FHAD1: variants seen among roughly 807,000 people sequenced by gnomAD.
FHAD1 encodes the protein forkhead-associated domain-containing protein 1.
In FHAD1, 146 loss-of-function variants were observed where a neutral mutation model predicts 191.3. The observed-to-expected ratio is 0.76, with a 90% CI of 0.67 to 0.88. FHAD1 has a LOEUF of 0.88. FHAD1 is among the 40% of genes least tolerant of loss of function. The pLI is 0.00. For missense variants in FHAD1, 1,635 were observed against 1,785.8 expected (o/e 0.92, Z 1.52); for synonymous variants, 616 against 672.3 (o/e 0.92, Z 1.29).
At position 15,341,864 on chromosome 1, in the gene FHAD1, C is replaced by A; in HGVS notation, c.2106C>A (p.Ile702=). The A allele has an allele frequency of 6.4e-7, 1 of 1,551,594 alleles. No individual in the cohort carries two copies. The highest frequency in any genetic ancestry group is 1.4e-5 in the African/African-American group (1 of 73,166). Residue 702 remains isoleucine, a synonymous_variant, in exon 16 of 34, where the codon ATC becomes ATA. Coordinates refer to ENST00000688493, the MANE Select transcript of FHAD1 (RefSeq NM_001391957.1). ...LEQEEKLKAK[I]RQLTEEKAAL... ...AAGAGGAGAAGCTCAAAGCCAAAAT[C>A]AGGCAACTGACGGAAGAGAAGGCGG...
chr1:15,328,147 C>G (rs1190558255), intron 12 of FHAD1, 130 bp from the exon 13 acceptor site: 7 of 644,978 alleles, frequency 1.1e-5, no homozygotes, highest in Non-Finnish European at 1.7e-5. Flanking sequence ...ATATCAGGAC[C>G]TCTGTCCTCC....
chr1:15,288,460 A>C (rs1663293139), intron 3 of FHAD1, among the ~76,000 whole-genome samples: 1 of 152,246 alleles, frequency 6.6e-6, no homozygotes, highest in Admixed American at 6.5e-5. Flanking sequence ...GTGGAAAAGC[A>C]AAGGCTAATC....
At chr1:15,260,149 G>A (rs1032040578) in intron 2 of FHAD1, among the ~76,000 whole-genome samples, 3 of 152,134 alleles carry the variant, frequency 2.0e-5, no homozygotes, top group African/African-American at 7.2e-5. Context: ...GAACAGAAGG[G>A]CGGCTCTAGA....
Position 15,324,644 on chromosome 1 carries a change from C to T in FHAD1, c.1473+85C>T, listed in dbSNP as rs1019852136. 9 of 953,066 alleles carry T rather than the reference C, an allele frequency of 9.4e-6. No individual in the cohort carries two copies. The African/African-American group carries it at 9.8e-5, about 10-fold the overall frequency. The allele number at this position is 953,066 out of a possible 1,614,324, so 59.0% of individuals were successfully genotyped here. A position where few individuals can be genotyped will look rare whatever the true frequency, so the allele number is the denominator to read the frequency against. ...AGCCAGTGGGGGTGAGAGAGGAGGACGCCCAAGGTAGAAAGACAGACGTGC... is the reference window on the plus strand; with the variant it reads ...AGCCAGTGGGGGTGAGAGAGGAGGATGCCCAAGGTAGAAAGACAGACGTGC... On this transcript the variant is annotated intron_variant, in intron 11 of 33. Transcript: ENST00000688493.
chr1:15,309,207 C>T (rs373423092), intron 7 of FHAD1, among the ~76,000 whole-genome samples: 19 of 152,226 alleles, frequency 1.2e-4, no homozygotes, highest in Non-Finnish European at 1.2e-4. Context: ...TAGCTGGATA[C>T]TCAAGAACTT....
intron 28 of FHAD1, among the ~76,000 whole-genome samples, chr1:15,378,702 T>TA (rs552884517): frequency 3.6e-4 from 55 of 152,366 alleles, no homozygotes; most frequent in African/African-American, 1.2e-3. Flanking sequence ...ATGTCACACT[T>TA]ACCTATCACA....
intron 6 of FHAD1, among the ~76,000 whole-genome samples, chr1:15,302,293 C>A (rs191026285): frequency 6.6e-6 from 1 of 152,330 alleles, no homozygotes; most frequent in East Asian, 1.9e-4. Context: ...CTTTACCAAA[C>A]CCTGAAGGCA....
rs1422903730 is a variant in FHAD1, at chr1:15,381,676, T to TG, written c.4022+226dup. ...AGAAGTGCACGGTTTCCCCATTCTG[T>TG]GAACTATTTTCTGTGCAAGCTGCAC... On this transcript the variant is annotated intron_variant, in intron 30 of 33. Coordinates refer to ENST00000688493, the MANE Select transcript of FHAD1 (RefSeq NM_001391957.1). This position sits in a 1 kb window ranked among gnomAD's most constrained non-coding sequence, Gnocchi z 4.6. Among the ~76,000 whole-genome samples the TG allele has an allele frequency of 2.0e-5, 3 of 152,034 alleles. No homozygotes were observed. The highest frequency in any genetic ancestry group is 7.2e-5 in the African/African-American group (3 of 41,400).
chr1:15,342,279 G>C lies in FHAD1; in HGVS notation c.2130+391G>C, dbSNP rs557336189. On this transcript the variant is annotated intron_variant, in intron 16 of 33. Coordinates refer to ENST00000688493, the MANE Select transcript of FHAD1 (RefSeq NM_001391957.1). ...TTGCTTTCTCTTTATACATATCGGG[G>C]GAAACAAATGGTCAAAATTGCTACT... 3.3e-5 allele frequency among the ~76,000 whole-genome samples: 5 copies of C among 152,178 alleles called. No individual in the cohort carries two copies. The South Asian group carries it at 1.0e-3, about 32-fold the overall frequency.
chr1:15,299,956 C>T (rs978317113), intron 5 of FHAD1, among the ~76,000 whole-genome samples: 2 of 152,160 alleles, frequency 1.3e-5, no homozygotes, highest in Non-Finnish European at 2.9e-5. Context: ...CCCTGTGGTT[C>T]CCCAGGTTAG....
intron 28 of FHAD1, among the ~76,000 whole-genome samples, chr1:15,376,073 A>C: frequency 7.3e-6 from 1 of 137,150 alleles, no homozygotes; most frequent in Non-Finnish European, 1.5e-5. Flanking sequence ...TTATTTATTT[A>C]TTTATTTTTT....
At chr1:15,295,963 G>A (rs1049881482) in intron 4 of FHAD1, among the ~76,000 whole-genome samples, 2 of 152,154 alleles carry the variant, frequency 1.3e-5, no homozygotes, top group Non-Finnish European at 1.5e-5. Flanking sequence ...TCTACCTAAC[G>A]TTTCGTTTAC....
chr1:15,389,458 A>ACAAAAAAC (rs1274185175), intron 32 of FHAD1, among the ~76,000 whole-genome samples: 1 of 149,042 alleles, frequency 6.7e-6, no homozygotes, highest in African/African-American at 2.6e-5. Context: ...AAAAAAAAAA[A>ACAAAAAAC]AAAAAAAAAA....
intron 3 of FHAD1, among the ~76,000 whole-genome samples, chr1:15,277,857 T>C (rs1323933214): frequency 2.0e-5 from 3 of 152,212 alleles, no homozygotes; most frequent in Non-Finnish European, 4.4e-5. Context: ...GTCTGGCGGC[T>C]AATGTTTAAT....
Position 15,301,372 on chromosome 1 carries a change from G to C in FHAD1, c.846G>C (p.Ser282=). Residue 282 remains serine (S), a synonymous_variant, in exon 6 of 34, where the codon TCG becomes TCC. Coordinates refer to ENST00000688493, the MANE Select transcript of FHAD1 (RefSeq NM_001391957.1). ...TTSRQNEKEI[S]QKCQVLDEDI... ...CCAGGCAGAATGAGAAGGAGATCTC[G>C]CAGAAGTGTCAGGTTCTGGATGAAG... is the stretch of plus-strand genomic sequence containing the variant. The C allele has an allele frequency of 6.4e-7, 1 of 1,551,750 alleles. No individual in the cohort carries two copies. The highest frequency in any genetic ancestry group is 8.7e-7 in the Non-Finnish European group (1 of 1,146,996).
At chr1:15,365,112 G>A (rs1695997813) in intron 23 of FHAD1, among the ~76,000 whole-genome samples, 1 of 152,198 alleles carries the variant, frequency 6.6e-6, no homozygotes, top group Non-Finnish European at 1.5e-5. Flanking sequence ...GCTGCTGAGA[G>A]AACAAAGCCA....
At chr1:15,393,415 GACAC>G (rs772225551) in intron 33 of FHAD1, among the ~76,000 whole-genome samples, 18 of 127,678 alleles carry the variant, frequency 1.4e-4, no homozygotes, top group African/African-American at 3.2e-4. Context: ...CATAGATGTG[GACAC>G]ACACACACAC....
chr1:15,289,801 G>A lies in FHAD1; in HGVS notation c.568+135G>A. 1 of 1,363,818 alleles carries A rather than the reference G, an allele frequency of 7.3e-7. No homozygotes were observed. The highest frequency in any genetic ancestry group is 9.7e-7 in the Non-Finnish European group (1 of 1,031,986). The allele number at this position is 1,363,818 out of a possible 1,614,324, so 84.5% of individuals were successfully genotyped here. A position where few individuals can be genotyped will look rare whatever the true frequency, so the allele number is the denominator to read the frequency against. ...AAAAATGAAAATAAATTCAGGATAA[G>A]CAGAAAGTAAGAAAACAGTTAAAAA... On this transcript the variant is annotated intron_variant, in intron 4 of 33. Coordinates refer to ENST00000688493, the MANE Select transcript of FHAD1 (RefSeq NM_001391957.1). The surrounding 1 kb of genome is among the most constrained non-coding windows in gnomAD (Gnocchi z 4.2).
At chr1:15,351,523 C>G (rs769055910) in intron 19 of FHAD1, among the ~76,000 whole-genome samples, 5 of 152,124 alleles carry the variant, frequency 3.3e-5, no homozygotes, top group Non-Finnish European at 5.9e-5. Context: ...TATACTGCCT[C>G]GGTTACAGCC....
Sources: gnomAD v4.1 joint callset for allele counts (sites outside exome capture counted in the v4.1 genomes callset) on GRCh38, gnomAD v4.1.1 for gene constraint, Gnocchi (gnomAD v3.1) non-coding constraint, MANE v1.5 for transcripts, NCBI Gene and HGNC (gene_info 2026-07-23, HGNC 2026-07-21) for gene names.